The following COL21A1 variants were observed in gnomAD, a reference collection of about 807,000 sequenced individuals.
The protein encoded by COL21A1 is collagen type XXI alpha 1 chain.
A neutral mutation model predicts 137.9 loss-of-function variants in COL21A1; 149 were observed. The observed-to-expected ratio is 1.08, with a 90% confidence interval of 0.95 to 1.24. COL21A1 has a LOEUF of 1.24. Among genes scored for constraint, COL21A1 ranks in the 50% most tolerant of loss-of-function variants. The probability of loss-of-function intolerance (pLI) is 0.00; values close to 1 mark genes in which losing one functional copy is unlikely to be tolerated. For missense variants in COL21A1, 1,167 were observed against 1,158.4 expected (o/e 1.01, Z -0.11); for synonymous variants, 456 against 391.5 (o/e 1.16, Z -1.95).
In COL21A1 at chr6:56,059,246, C is replaced by G. The variant is rs768054358; in HGVS notation, c.2609-4G>C. ...TCCCCATTTCTTCCTGGTAGGCCTG[C>G]AGGGTGTCAAACATCTGAGTAAGTT... On this transcript the variant is annotated splice_polypyrimidine_tract_variant and splice_region_variant and intron_variant, in intron 28 of 29. Transcript: ENST00000244728. 6.3e-7 allele frequency: 1 copy of G among 1,592,492 alleles called. No homozygotes were observed. Among genetic ancestry groups the G allele is most frequent in the Non-Finnish European group, 8.5e-7 (1 of 1,172,556 alleles).
chr6:56,341,212 T>C (rs572670848), intron 1 of COL21A1, among the ~76,000 whole-genome samples: 339 of 152,306 alleles, frequency 2.2e-3, no homozygotes, highest in Non-Finnish European at 3.6e-3. Context: ...AATATCGGTA[T>C]ATAAGGAAAA....
At chr6:56,086,064 C>T (rs1375764906) in intron 17 of COL21A1, among the ~76,000 whole-genome samples, 1 of 151,194 alleles carries the variant, frequency 6.6e-6, no homozygotes, top group Non-Finnish European at 1.5e-5. Context: ...CTTGGATTGT[C>T]ATCAGGGGTT....
chr6:56,295,215 TATTGA>T (rs1343300536), intron 1 of COL21A1, among the ~76,000 whole-genome samples: 5 of 151,996 alleles, frequency 3.3e-5, no homozygotes, highest in Non-Finnish European at 5.9e-5. Context: ...GGTTTTTTTC[TATTGA>T]ATTGCCTTTG....
intron 16 of COL21A1, among the ~76,000 whole-genome samples, chr6:56,113,071 A>G (rs1244734975): frequency 6.6e-6 from 1 of 152,188 alleles, no homozygotes; most frequent in East Asian, 1.9e-4. Flanking sequence ...CTCACCACCA[A>G]GGGCCAAAGC....
intron 1 of COL21A1, among the ~76,000 whole-genome samples, chr6:56,383,799 A>C (rs982533556): frequency 9.2e-5 from 14 of 152,168 alleles, no homozygotes; most frequent in Non-Finnish European, 1.6e-4. Context: ...ACTTTATTAA[A>C]ATAAGTTTTA....
chr6:56,064,371 T>A (rs896923615), intron 24 of COL21A1, among the ~76,000 whole-genome samples: 6 of 152,016 alleles, frequency 3.9e-5, no homozygotes, highest in African/African-American at 1.4e-4. Context: ...ACCAGTGTTA[T>A]CAGTATGGGA....
At chr6:56,304,216 A>G (rs6925801) in intron 1 of COL21A1, among the ~76,000 whole-genome samples, 127,659 of 151,698 alleles carry the variant, frequency 0.84, 55,789 homozygotes, top group South Asian at 0.97. Context: ...GTCTCTGCCC[A>G]GCTTTGGTAT....
At chr6:56,385,259 G>A (rs569523935) in intron 1 of COL21A1, among the ~76,000 whole-genome samples, 18 of 152,284 alleles carry the variant, frequency 1.2e-4, no homozygotes, top group Admixed American at 6.5e-4. Context: ...GCTTTGCTTC[G>A]TTTTGTTTGG....
chr6:56,098,031 GTAAATATATAAATATATATAAATATATA>G (rs1562189474), intron 17 of COL21A1, among the ~76,000 whole-genome samples: 5 of 3,580 alleles, frequency 1.4e-3, no homozygotes, highest in Non-Finnish European at 2.0e-3. Context: ...AAATATATAT[GTAAATATATAAATATATATAAATATATA>G]TAAATATATA....
At position 56,060,164 on chromosome 6, in the gene COL21A1, A is replaced by G. The variant is rs12209452; in HGVS notation, c.2462T>C (p.Leu821Pro). Residue 821 changes from leucine (L) to proline (P), a missense_variant, in exon 28 of 30, where the codon CTG becomes CCG. Leu to Pro is a moderately conservative substitution (Grantham distance 98). Coordinates refer to ENST00000244728, the MANE Select transcript of COL21A1 (RefSeq NM_030820.4). ...AATACCCGGGGAGCCATGTTGGGAC[A>G]GGCAATGATCACAATTTCTAATTCT... ...SGRIRNCDHC[L>P]SQHGSPGIPG... 71,965 of 1,610,114 alleles carry G rather than the reference A, an allele frequency of 0.045. 1,853 individuals carry two copies. Among genetic ancestry groups the G allele is most frequent in the Middle Eastern group, 0.082 (494 of 6,044 alleles).
intron 29 of COL21A1, among the ~76,000 whole-genome samples, chr6:56,058,639 A>C (rs1338837964): frequency 6.6e-6 from 1 of 152,148 alleles, no homozygotes; most frequent in Non-Finnish European, 1.5e-5. Context: ...CCTATTAATA[A>C]CATCTAATCA....
rs568469179 is a variant in COL21A1 at position 56,351,745 on chromosome 6, A to G, written c.-39+42226T>C. Among the ~76,000 whole-genome samples, 8 of 152,386 alleles carry G rather than the reference A, an allele frequency of 5.2e-5. No homozygotes were observed. The South Asian group carries it at 1.7e-3, about 32-fold the overall frequency. ...TACTGACATTGGAACCACTGCTGGA[A>G]GAAGGTGAAATAGACCTTGCAGCCT... On this transcript the variant is annotated intron_variant, in intron 1 of 28. Transcript: ENST00000370819.
intron 16 of COL21A1, among the ~76,000 whole-genome samples, chr6:56,117,476 A>G (rs1332323590): frequency 6.6e-6 from 1 of 152,054 alleles, no homozygotes; most frequent in Non-Finnish European, 1.5e-5. Context: ...AGACCCCAAT[A>G]CAATAATAGC....
intron 2 of COL21A1, 68 bp from the exon 3 acceptor site, chr6:56,180,197 T>A: frequency 1.6e-6 from 2 of 1,238,106 alleles, no homozygotes; most frequent in Non-Finnish European, 2.2e-6. Context: ...AGATTTTAAA[T>A]ATATGAGTTT....
intron 17 of COL21A1, among the ~76,000 whole-genome samples, chr6:56,098,755 G>A (rs184096150): frequency 0.011 from 1,387 of 124,924 alleles, 52 homozygotes; most frequent in African/African-American, 0.041. Flanking sequence ...TTGCTCTGTC[G>A]CCCAGGCTGG....
intron 1 of COL21A1, among the ~76,000 whole-genome samples, chr6:56,372,411 C>T (rs898072730): frequency 6.6e-6 from 1 of 152,190 alleles, no homozygotes; most frequent in African/African-American, 2.4e-5. Flanking sequence ...TGGTGGTTCT[C>T]TTCCTCCTCA....
chr6:56,080,200 A>G (rs1767627769), intron 17 of COL21A1, among the ~76,000 whole-genome samples: 5 of 151,794 alleles, frequency 3.3e-5, no homozygotes. Context: ...GTTTCCAAGG[A>G]GACTATTTTC....
intron 10 of COL21A1, among the ~76,000 whole-genome samples, chr6:56,155,009 A>G (rs989099921): frequency 2.6e-5 from 4 of 152,114 alleles, no homozygotes; most frequent in Non-Finnish European, 4.4e-5. Flanking sequence ...AGATAATTTC[A>G]TCACCCAGGT....
chr6:56,101,098 G>A (rs1417486823), intron 17 of COL21A1, among the ~76,000 whole-genome samples: 1 of 152,112 alleles, frequency 6.6e-6, no homozygotes, highest in Non-Finnish European at 1.5e-5. Flanking sequence ...TCTTAGTCAT[G>A]TTTCTCTACC....
Sources: gnomAD v4.1 joint callset for allele counts (sites outside exome capture counted in the v4.1 genomes callset) on GRCh38, gnomAD v4.1.1 for gene constraint, MANE v1.5 for transcripts, NCBI Gene and HGNC (gene_info 2026-07-23, HGNC 2026-07-21) for gene names.